Variants in FAF1 observed in about 807,000 individuals in gnomAD.
The protein encoded by FAF1 is FAS-associated factor 1.
A neutral mutation model predicts 92.5 loss-of-function variants in FAF1; 25 were observed. The observed-to-expected ratio is 0.27, with a 90% confidence interval of 0.20 to 0.38. The LOEUF is 0.38. Ranked by LOEUF, FAF1 falls within the 10% of genes least tolerant of loss-of-function variation. FAF1 has a pLI of 1.00. For synonymous variants in FAF1, 234 were observed against 273.2 expected, an observed-to-expected ratio of 0.86 and a Z score of 1.42; for missense variants, 636 against 793.3, an observed-to-expected ratio of 0.80 and a Z score of 2.38.
chr1:50,608,381 T>C (rs1295788026), intron 8 of FAF1, among the ~76,000 whole-genome samples: 2 of 152,004 alleles, frequency 1.3e-5, no homozygotes, highest in Admixed American at 6.5e-5. Flanking sequence ...TAGACAAAGG[T>C]TTTACATGAG....
At chr1:50,927,353 G>A (rs1176412829) in intron 1 of FAF1, among the ~76,000 whole-genome samples, 1 of 152,076 alleles carries the variant, frequency 6.6e-6, no homozygotes, top group Admixed American at 6.5e-5. Flanking sequence ...GGCCGAGGCG[G>A]GTGGGTCACT....
At chr1:50,777,642 C>A (rs1170796365) in intron 4 of FAF1, among the ~76,000 whole-genome samples, 1 of 151,168 alleles carries the variant, frequency 6.6e-6, no homozygotes, top group Non-Finnish European at 1.5e-5. Flanking sequence ...GACAATCAAT[C>A]TGAAATAAGA....
chr1:50,752,676 AT>A (rs1659914450), intron 4 of FAF1, among the ~76,000 whole-genome samples: 1 of 151,466 alleles, frequency 6.6e-6, no homozygotes, highest in African/African-American at 2.4e-5. Flanking sequence ...TGATTTGCTC[AT>A]TTTTTTGGTT....
At chr1:50,722,646 C>CAA (rs58511862) in intron 6 of FAF1, among the ~76,000 whole-genome samples, 32 of 65,634 alleles carry the variant, frequency 4.9e-4, no homozygotes, top group South Asian at 3.6e-3. Flanking sequence ...GCGACAGTCT[C>CAA]AAAAAAAAAA....
At chr1:50,531,387 T>C (rs1275884935) in intron 15 of FAF1, among the ~76,000 whole-genome samples, 1 of 152,166 alleles carries the variant, frequency 6.6e-6, no homozygotes, top group East Asian at 1.9e-4. Flanking sequence ...TCACAAACTC[T>C]TGATTATCAG....
chr1:50,842,170 C>T (rs979772128), intron 2 of FAF1, among the ~76,000 whole-genome samples: 1 of 152,094 alleles, frequency 6.6e-6, no homozygotes, highest in Non-Finnish European at 1.5e-5. Flanking sequence ...TCCTCACTAA[C>T]TAGGAGTACT....
chr1:50,693,995 G>A (rs1004892781), intron 7 of FAF1, among the ~76,000 whole-genome samples: 4 of 117,690 alleles, frequency 3.4e-5, no homozygotes, highest in African/African-American at 1.5e-4. Flanking sequence ...ATGTATATGT[G>A]TCATTATATA....
chr1:50,561,592 C>T (rs892934085), intron 13 of FAF1, among the ~76,000 whole-genome samples: 8 of 152,118 alleles, frequency 5.3e-5, no homozygotes, highest in Admixed American at 1.3e-4. Flanking sequence ...CTTTGGGAGG[C>T]TGAGGCAGGT....
intron 1 of FAF1, among the ~76,000 whole-genome samples, chr1:50,866,206 A>C (rs1489996546): frequency 6.6e-6 from 1 of 151,790 alleles, no homozygotes; most frequent in Non-Finnish European, 1.5e-5. Context: ...ACCTTAAGGT[A>C]ATGACAAACC....
At chr1:50,959,615 AGCTCGCCACACACACACACACACGCCAC>A in intron 1 of FAF1, 124 bp downstream of exon 1, 2 of 509,824 alleles carry the variant, frequency 3.9e-6, no homozygotes, top group South Asian at 6.0e-5. Flanking sequence ...GCTTCTCCAT[AGCTCGCCACACACACACACACACGCCAC>A]GCACCGTATA....
At chr1:50,499,678 G>A (rs1015174178) in intron 15 of FAF1, among the ~76,000 whole-genome samples, 2 of 152,150 alleles carry the variant, frequency 1.3e-5, no homozygotes, top group Non-Finnish European at 2.9e-5. Context: ...AGTGAGTTTA[G>A]TAAGGTTGCA....
intron 2 of FAF1, among the ~76,000 whole-genome samples, chr1:50,839,174 G>A (rs980125047): frequency 2.0e-5 from 3 of 151,736 alleles, no homozygotes; most frequent in African/African-American, 4.8e-5. Flanking sequence ...TGGCAACTGT[G>A]CAAGAAAAGC....
At chr1:50,819,688 T>C (rs1246042581) in intron 2 of FAF1, among the ~76,000 whole-genome samples, 1 of 62,472 alleles carries the variant, frequency 1.6e-5, no homozygotes, top group Non-Finnish European at 3.3e-5. Context: ...TGTATATATA[T>C]ATACATATAT....
intron 17 of FAF1, among the ~76,000 whole-genome samples, chr1:50,486,712 G>A (rs1236193229): frequency 6.6e-6 from 1 of 152,064 alleles, no homozygotes; most frequent in African/African-American, 2.4e-5. Flanking sequence ...CTTGAGGGCT[G>A]GACTATGCCT....
chr1:50,527,686 A>G (rs1647886191), intron 15 of FAF1, among the ~76,000 whole-genome samples: 6 of 152,204 alleles, frequency 3.9e-5, no homozygotes, highest in Admixed American at 3.9e-4. Context: ...ATCCAACTGT[A>G]AAGTATCTCT....
At chr1:50,640,676 A>G (rs979627199) in intron 8 of FAF1, among the ~76,000 whole-genome samples, 1 of 152,098 alleles carries the variant, frequency 6.6e-6, no homozygotes, top group Admixed American at 6.6e-5. Flanking sequence ...CTAGTGTTGC[A>G]GAATTTATCG....
At chr1:50,479,058 T>G (rs536758176) in intron 17 of FAF1, among the ~76,000 whole-genome samples, 105 of 152,252 alleles carry the variant, frequency 6.9e-4, no homozygotes, top group African/African-American at 2.4e-3. Context: ...TTTAAAAAAT[T>G]TTAATTAAAT....
At position 50,612,411 on chromosome 1, in the gene FAF1, G is replaced by A. The variant is rs1652723795; in HGVS notation, c.745-16195C>T. ...TGGAGAAACCTCATTATTTTAGAGA[G>A]CTACTGTATTAATCAGTGGTCATTT... On this transcript the variant is annotated intron_variant, in intron 8 of 18. Transcript: ENST00000396153. 1.3e-5 allele frequency: 15 copies of A among 1,179,970 alleles called. No individual in the cohort carries two copies. The South Asian group carries it at 2.0e-4, about 15-fold the overall frequency. 73.1% of individuals were successfully genotyped at this position (1,179,970 alleles called of 1,614,324 possible). A position where few individuals can be genotyped will look rare whatever the true frequency, so the allele number is the denominator to read the frequency against.
chr1:50,898,772 C>T (rs1294477452), intron 1 of FAF1, among the ~76,000 whole-genome samples: 1 of 152,116 alleles, frequency 6.6e-6, no homozygotes, highest in Non-Finnish European at 1.5e-5. Context: ...TTTCCTTTGA[C>T]TGTTCTTAAA....
Sources: gnomAD v4.1 joint callset for allele counts (sites outside exome capture counted in the v4.1 genomes callset) on GRCh38, gnomAD v4.1.1 for gene constraint, MANE v1.5 for transcripts, NCBI Gene and HGNC (gene_info 2026-07-23, HGNC 2026-07-21) for gene names.